MED13L: variants seen among roughly 807,000 people sequenced by gnomAD.
The protein encoded by MED13L is mediator complex subunit 13L.
A neutral mutation model predicts 220.9 loss-of-function variants in MED13L; 7 were observed. That is an observed-to-expected ratio of 0.03 (90% CI 0.02 to 0.06). MED13L has a LOEUF of 0.06. Among genes scored for constraint, MED13L ranks in the 10% least tolerant of loss-of-function variants. MED13L has a pLI of 1.00. For missense variants in MED13L, 1,965 were observed against 2,760.5 expected, an observed-to-expected ratio of 0.71 and a Z score of 6.46; for synonymous variants, 1,011 against 1,015.2, an observed-to-expected ratio of 1.00 and a Z score of 0.08.
intron 23 of MED13L, among the ~76,000 whole-genome samples, chr12:115,978,335 T>A (rs1475163953): frequency 6.7e-6 from 1 of 149,690 alleles, no homozygotes; most frequent in East Asian, 1.9e-4. Context: ...TCTTTTTTTT[T>A]TTTTTTTTGG....
intron 4 of MED13L, among the ~76,000 whole-genome samples, chr12:116,062,478 C>G (rs1220431024): frequency 7.1e-6 from 1 of 140,548 alleles, no homozygotes; most frequent in Non-Finnish European, 1.5e-5. Flanking sequence ...GTCTCTCTCT[C>G]TCTCTCTGTG....
chr12:116,074,280 A>G (rs568389975), intron 4 of MED13L, among the ~76,000 whole-genome samples: 26 of 152,294 alleles, frequency 1.7e-4, no homozygotes, highest in Non-Finnish European at 2.9e-4. Flanking sequence ...TTGTAGTCCC[A>G]GCTACTTGGG....
intron 29 of MED13L, among the ~76,000 whole-genome samples, chr12:115,963,853 A>G (rs931989070): frequency 6.6e-6 from 1 of 152,194 alleles, no homozygotes; most frequent in Non-Finnish European, 1.5e-5. Context: ...TGCAACAATT[A>G]TCAATATTCA....
At chr12:116,044,892 G>A (rs1016429493) in intron 4 of MED13L, among the ~76,000 whole-genome samples, 1 of 152,192 alleles carries the variant, frequency 6.6e-6, no homozygotes, top group Non-Finnish European at 1.5e-5. Context: ...AACAGGATGA[G>A]TCTTGTGTCA....
intron 23 of MED13L, among the ~76,000 whole-genome samples, chr12:115,977,502 A>G (rs1365793507): frequency 6.6e-6 from 1 of 152,224 alleles, no homozygotes; most frequent in Non-Finnish European, 1.5e-5. Flanking sequence ...AACCTTGTAC[A>G]TATTCATAGC....
chr12:116,146,464 A>G (rs1435536997), intron 2 of MED13L, among the ~76,000 whole-genome samples: 2 of 150,784 alleles, frequency 1.3e-5, no homozygotes, highest in African/African-American at 2.4e-5. Context: ...AAAGCTCATC[A>G]GTTATCCTTA....
At chr12:116,248,393 T>C (rs911704796) in intron 1 of MED13L, among the ~76,000 whole-genome samples, 1 of 152,038 alleles carries the variant, frequency 6.6e-6, no homozygotes, top group Non-Finnish European at 1.5e-5. Flanking sequence ...GAGTTAATCA[T>C]AGATATGGGG....
chr12:116,011,773 T>C (rs1188191357), intron 9 of MED13L, among the ~76,000 whole-genome samples: 1 of 152,204 alleles, frequency 6.6e-6, no homozygotes, highest in Non-Finnish European at 1.5e-5. Context: ...TCATTAGGCT[T>C]ATCCTTACAT....
chr12:116,084,306 G>C (rs1423784665), intron 4 of MED13L, among the ~76,000 whole-genome samples: 1 of 152,174 alleles, frequency 6.6e-6, no homozygotes, highest in Admixed American at 6.5e-5. Flanking sequence ...ATGCACGACA[G>C]TACATATTCA....
At chr12:116,077,993 C>T (rs1870934687) in intron 4 of MED13L, among the ~76,000 whole-genome samples, 1 of 151,600 alleles carries the variant, frequency 6.6e-6, no homozygotes, top group Non-Finnish European at 1.5e-5. Flanking sequence ...AAATACAAAA[C>T]ATTAGCCGGG....
intron 4 of MED13L, among the ~76,000 whole-genome samples, chr12:116,031,416 A>G (rs1405591268): frequency 6.6e-6 from 1 of 151,754 alleles, no homozygotes; most frequent in Non-Finnish European, 1.5e-5. Flanking sequence ...AGTCTTTACT[A>G]AAAACACAAA....
At chr12:116,078,025 T>C (rs1286677199) in intron 4 of MED13L, among the ~76,000 whole-genome samples, 1 of 150,550 alleles carries the variant, frequency 6.6e-6, no homozygotes, top group East Asian at 2.0e-4. Context: ...CTAACTGTAA[T>C]CCCAGCTACT....
chr12:116,218,804 G>C (rs1347298536), intron 2 of MED13L, among the ~76,000 whole-genome samples: 1 of 151,882 alleles, frequency 6.6e-6, no homozygotes, highest in Non-Finnish European at 1.5e-5. Flanking sequence ...TGCAATCTCA[G>C]CTCACTGCAG....
intron 4 of MED13L, among the ~76,000 whole-genome samples, chr12:116,093,320 G>T (rs966196870): frequency 2.6e-5 from 4 of 151,970 alleles, no homozygotes; most frequent in African/African-American, 9.7e-5. Flanking sequence ...AATAATAAAA[G>T]ATGTCAATAT....
chr12:115,995,912 T>C (rs1314615825), intron 16 of MED13L, among the ~76,000 whole-genome samples: 2 of 152,148 alleles, frequency 1.3e-5, no homozygotes, highest in African/African-American at 4.8e-5. Flanking sequence ...TGTATTACTT[T>C]TACATCATCA....
chr12:116,104,911 C>A (rs991854863), intron 3 of MED13L, among the ~76,000 whole-genome samples: 2 of 152,166 alleles, frequency 1.3e-5, no homozygotes, highest in Admixed American at 6.5e-5. Context: ...ATATGTGGTA[C>A]AAATCACTGA....
chr12:116,095,535 A>C (rs1279099494), intron 4 of MED13L, among the ~76,000 whole-genome samples: 2 of 152,222 alleles, frequency 1.3e-5, no homozygotes, highest in African/African-American at 4.8e-5. Flanking sequence ...GCTAGAAACT[A>C]GGAAAGTTAA....
At chr12:116,099,228 T>C (rs1227110800) in intron 3 of MED13L, among the ~76,000 whole-genome samples, 1 of 152,198 alleles carries the variant, frequency 6.6e-6, no homozygotes. Flanking sequence ...ATAATTAGCA[T>C]ATACCAACTC....
intron 23 of MED13L, among the ~76,000 whole-genome samples, chr12:115,977,708 C>A (rs1375404423): frequency 6.6e-6 from 1 of 152,134 alleles, no homozygotes; most frequent in African/African-American, 2.4e-5. Context: ...CATAAAAGAT[C>A]GCATATGGCC....
Sources: allele counts gnomAD v4.1 joint callset (sites outside exome capture counted in the v4.1 genomes callset), GRCh38; gene constraint gnomAD v4.1.1; transcripts MANE v1.5; gene names NCBI Gene and HGNC (gene_info 2026-07-23, HGNC 2026-07-21).